MYO9A: variants seen among roughly 807,000 people sequenced by gnomAD.
The protein encoded by MYO9A is unconventional myosin-IXa.
A neutral mutation model predicts 293.3 loss-of-function variants in MYO9A; 103 were observed. The ratio of observed to expected loss-of-function variants is 0.35; its 90% CI spans 0.30 to 0.41. The LOEUF (loss-of-function observed/expected upper bound fraction) is 0.41, where lower values mean the gene tolerates loss of function less well. MYO9A is among the 10% of genes least tolerant of loss of function. MYO9A has a pLI of 1.00. For missense variants in MYO9A, 2,685 were observed against 3,033.0 expected (o/e 0.89, Z 2.69); for synonymous variants, 1,001 against 1,035.7 (o/e 0.97, Z 0.64).
intron 1 of MYO9A, among the ~76,000 whole-genome samples, chr15:72,082,104 C>T (rs1398552821): frequency 1.3e-5 from 2 of 152,074 alleles, no homozygotes; most frequent in Non-Finnish European, 2.9e-5. Flanking sequence ...AGCACTGAAT[C>T]GATAAACTGC....
intron 1 of MYO9A, among the ~76,000 whole-genome samples, chr15:72,100,385 G>A (rs1372499057): frequency 1.3e-5 from 2 of 152,164 alleles, no homozygotes; most frequent in Admixed American, 6.5e-5. Flanking sequence ...CTACAACCCC[G>A]TCTGGGAAGT....
intron 1 of MYO9A, among the ~76,000 whole-genome samples, chr15:72,101,626 A>C (rs1212037182): frequency 2.1e-5 from 2 of 93,100 alleles, no homozygotes; most frequent in African/African-American, 4.3e-5. Context: ...CAGCCGCCCC[A>C]TCCAGGAGGG....
chr15:72,102,936 A>G (rs1040732033), intron 1 of MYO9A, among the ~76,000 whole-genome samples: 2 of 151,862 alleles, frequency 1.3e-5, no homozygotes, highest in Non-Finnish European at 2.9e-5. Flanking sequence ...TAGGAAATCC[A>G]GAAGAATCTA....
chr15:72,087,303 G>A (rs994265588), intron 1 of MYO9A, among the ~76,000 whole-genome samples: 1 of 152,206 alleles, frequency 6.6e-6, no homozygotes, highest in African/African-American at 2.4e-5. Flanking sequence ...AGCAAGTCAA[G>A]CCTAGGGAGA....
chr15:72,084,067 A>G (rs949543554), intron 1 of MYO9A, among the ~76,000 whole-genome samples: 4 of 152,156 alleles, frequency 2.6e-5, no homozygotes, highest in Non-Finnish European at 4.4e-5. Flanking sequence ...TGCCTTGATG[A>G]TCTTTCTAAT....
intron 1 of MYO9A, among the ~76,000 whole-genome samples, chr15:72,069,849 G>A (rs2079132038): frequency 1.3e-5 from 2 of 152,074 alleles, no homozygotes; most frequent in African/African-American, 2.4e-5. Flanking sequence ...CTGGTGTGGT[G>A]GCTCACGCCT....
intron 1 of MYO9A, among the ~76,000 whole-genome samples, chr15:72,064,658 TAA>T (rs2078968571): frequency 6.6e-6 from 1 of 152,182 alleles, no homozygotes; most frequent in African/African-American, 2.4e-5. Context: ...AAATGAATTT[TAA>T]AAAGATACCG....
At chr15:71,866,346 C>T (rs141829679) in intron 32 of MYO9A, among the ~76,000 whole-genome samples, 9 of 151,992 alleles carry the variant, frequency 5.9e-5, no homozygotes, top group African/African-American at 1.9e-4. Context: ...AGTGATTATC[C>T]GTGCTGAGAT....
chr15:71,879,265 TA>T (rs2056799032), intron 30 of MYO9A, among the ~76,000 whole-genome samples: 1 of 152,194 alleles, frequency 6.6e-6, no homozygotes, highest in South Asian at 2.1e-4. Flanking sequence ...AAGTATAAGG[TA>T]AATCTCAAAG....
At chr15:71,976,763 T>C (rs1390850084) in intron 12 of MYO9A, among the ~76,000 whole-genome samples, 1 of 152,254 alleles carries the variant, frequency 6.6e-6, no homozygotes, top group Admixed American at 6.5e-5. Context: ...AACAGCATTT[T>C]AATTTCTTTA....
At chr15:71,828,807 A>C (rs985766199) in intron 40 of MYO9A, among the ~76,000 whole-genome samples, 1 of 152,128 alleles carries the variant, frequency 6.6e-6, no homozygotes. Flanking sequence ...ATTCTCCTCT[A>C]CTTTATCTAA....
At chr15:71,842,993 C>T (rs182473026) in intron 39 of MYO9A, among the ~76,000 whole-genome samples, 157 of 152,038 alleles carry the variant, frequency 1.0e-3, no homozygotes, top group Non-Finnish European at 1.8e-3. Context: ...GACCTTTTCC[C>T]CTCTCTGCTC....
intron 39 of MYO9A, among the ~76,000 whole-genome samples, chr15:71,833,136 C>T (rs560214947): frequency 6.6e-5 from 10 of 151,736 alleles, no homozygotes; most frequent in African/African-American, 2.2e-4. Context: ...AGATTTTAAG[C>T]CCAAATATAT....
rs1044637730 is a variant in MYO9A, at chr15:71,893,549, G to A, written c.5142+130C>T. 3.7e-5 allele frequency: 26 copies of A among 711,060 alleles called. No individual in the cohort carries two copies. In the East Asian group the frequency reaches 7.2e-4, roughly 20 times the overall value. 44.0% of individuals were successfully genotyped at this position (711,060 alleles called of 1,614,324 possible). On this transcript the variant is annotated intron_variant, in intron 26 of 41. Coordinates refer to ENST00000356056, the MANE Select transcript of MYO9A (RefSeq NM_006901.4). ...CATAATTATAACAATCTCCGCTCAT[G>A]GCTTCTTTCTCTAAAAACACTTGGG...
intron 19 of MYO9A, among the ~76,000 whole-genome samples, chr15:71,907,893 T>C (rs8039332): frequency 0.016 from 2,430 of 152,306 alleles, 72 homozygotes; most frequent in African/African-American, 0.056. Flanking sequence ...ATTTTGTGGG[T>C]TGCCTGTTCA....
chr15:71,927,911 T>G (rs1416137249), intron 18 of MYO9A, among the ~76,000 whole-genome samples: 1 of 149,304 alleles, frequency 6.7e-6, no homozygotes, highest in African/African-American at 2.5e-5. Flanking sequence ...CACCTTTGTT[T>G]AAAGTCAACT....
intron 1 of MYO9A, among the ~76,000 whole-genome samples, chr15:72,101,899 G>A (rs1272166664): frequency 3.3e-5 from 5 of 152,240 alleles, no homozygotes; most frequent in Admixed American, 2.6e-4. Flanking sequence ...CAGCGGCCCC[G>A]CCCGGGAGGT....
intron 1 of MYO9A, among the ~76,000 whole-genome samples, chr15:72,097,767 G>A (rs1202441718): frequency 6.6e-6 from 1 of 152,022 alleles, no homozygotes; most frequent in East Asian, 1.9e-4. Context: ...AAAATGAGCT[G>A]GGCATGGTGG....
At position 71,862,499 on chromosome 15, in the gene MYO9A, C is replaced by T. The variant is rs781727294; in HGVS notation, c.6091+1G>A. On this transcript the variant is annotated splice_donor_variant, in intron 33 of 41. Coordinates refer to ENST00000356056, the MANE Select transcript of MYO9A (RefSeq NM_006901.4). LOFTEE classifies it high-confidence loss of function. ...ATTCCTCAAAGATCTCTCATACTTACATTTGCAAACAGAGGCTCGGTCCAT... is the reference window on the plus strand; with the variant it reads ...ATTCCTCAAAGATCTCTCATACTTATATTTGCAAACAGAGGCTCGGTCCAT... The T allele has an allele frequency of 4.4e-6, 7 of 1,584,898 alleles. No individual in the cohort carries two copies. The highest frequency in any genetic ancestry group is 6.1e-6 in the Non-Finnish European group (7 of 1,153,834).
Sources: allele counts gnomAD v4.1 joint callset (sites outside exome capture counted in the v4.1 genomes callset), GRCh38; gene constraint gnomAD v4.1.1; transcripts MANE v1.5; gene names NCBI Gene and HGNC (gene_info 2026-07-23, HGNC 2026-07-21).